The following FN3K variants were observed in gnomAD, a reference collection of about 807,000 sequenced individuals.
The protein encoded by FN3K is fructosamine 3 kinase, also known as fructosamine-3-kinase.
Under a neutral mutation model 24.8 loss-of-function variants are expected in FN3K, and 24 were observed. That is an observed-to-expected ratio of 0.97 (90% CI 0.70 to 1.36). The LOEUF is 1.36. Among genes scored for constraint, FN3K ranks in the 40% most tolerant of loss-of-function variants. FN3K has a pLI of 0.00. For missense variants in FN3K, 449 were observed against 416.7 expected (o/e 1.08, Z -0.67); for synonymous variants, 192 against 175.2 (o/e 1.10, Z -0.76).
intron 4 of FN3K, among the ~76,000 whole-genome samples, chr17:82,744,684 C>T (rs936563828): frequency 8.5e-5 from 13 of 152,146 alleles, no homozygotes; most frequent in Non-Finnish European, 1.9e-4. Context: ...CCGCCAGCCT[C>T]TGAGTTCCCT....
chr17:82,739,455 ATT>A (rs527397353), intron 2 of FN3K, among the ~76,000 whole-genome samples: 17,969 of 99,772 alleles, frequency 0.18, 1,251 homozygotes, highest in South Asian at 0.3. Flanking sequence ...TCACGCAGCT[ATT>A]TTTTTTTTTT....
Position 82,736,677 on chromosome 17 carries a change from G to A in FN3K, c.141+900G>A, listed in dbSNP as rs183411523. On this transcript the variant is annotated intron_variant, in intron 1 of 5. Coordinates refer to ENST00000300784, the MANE Select transcript of FN3K (RefSeq NM_022158.4). The stretch of plus-strand genomic sequence containing the variant: ...TCAGAAGGCCCTGCACACTCTGGTG[G>A]GGGAGCTCTCTGAGGGGCAGCAGGG... Among the ~76,000 whole-genome samples, 132 of 152,330 alleles carry A rather than the reference G, an allele frequency of 8.7e-4. 2 individuals carry two copies. The East Asian group carries it at 0.017, about 20-fold the overall frequency.
chr17:82,748,211 C>T (rs1157604734), intron 4 of FN3K, among the ~76,000 whole-genome samples: 4 of 150,962 alleles, frequency 2.6e-5, no homozygotes, highest in East Asian at 1.9e-4. Flanking sequence ...TGCAATGGCG[C>T]GATCTCGGCT....
At chr17:82,740,524 C>CA (rs1321107839) in intron 2 of FN3K, among the ~76,000 whole-genome samples, 1 of 150,510 alleles carries the variant, frequency 6.6e-6, no homozygotes, top group Non-Finnish European at 1.5e-5. Flanking sequence ...CCCTAGAAGT[C>CA]AAAGCTGCAG....
At chr17:82,738,466 A>G in intron 1 of FN3K, 23 bp from the exon 2 acceptor site, 1 of 1,611,704 alleles carries the variant, frequency 6.2e-7, no homozygotes, top group African/African-American at 1.3e-5. Context: ...AACAAGGCTG[A>G]CAAGGCTGTG....
At chr17:82,746,163 A>C (rs1286445817) in intron 4 of FN3K, among the ~76,000 whole-genome samples, 1 of 151,452 alleles carries the variant, frequency 6.6e-6, no homozygotes, top group African/African-American at 2.4e-5. Flanking sequence ...TCCCACCAGC[A>C]GCATATGGGA....
At chr17:82,747,232 C>T (rs1008071640) in intron 4 of FN3K, among the ~76,000 whole-genome samples, 8 of 152,192 alleles carry the variant, frequency 5.3e-5, no homozygotes, top group Non-Finnish European at 1.0e-4. Flanking sequence ...TACACATTTT[C>T]CCCAAGTACT....
rs537392692 is a variant in FN3K, at chr17:82,740,959, T to C, written c.385+105T>C. The C allele has an allele frequency of 2.6e-6, 2 of 775,646 alleles. 1 individual carries two copies. The highest frequency in any genetic ancestry group is 3.9e-5 in the Admixed American group (2 of 50,986). 48.0% of individuals were successfully genotyped at this position (775,646 alleles called of 1,614,324 possible). A position where few individuals can be genotyped will look rare whatever the true frequency, so the allele number is the denominator to read the frequency against. ...GGCATTTCAATAATAGGTTGAGTTG[T>C]ATACCGTCTGTCTTTACACTACATT... On this transcript the variant is annotated intron_variant, in intron 3 of 5. Transcript: ENST00000300784.
At chr17:82,742,103 T>TCAC (rs2046944407) in intron 4 of FN3K, among the ~76,000 whole-genome samples, 2 of 152,120 alleles carry the variant, frequency 1.3e-5, no homozygotes, top group South Asian at 2.1e-4. Context: ...AGACGGGGTT[T>TCAC]CATGTTGACC....
chr17:82,738,763 T>C, intron 2 of FN3K, 123 bp downstream of exon 2: 1 of 1,277,016 alleles, frequency 7.8e-7, no homozygotes. Flanking sequence ...GAGAAGCCTG[T>C]GGCTGAGCCG....
At chr17:82,741,249 T>C in intron 3 of FN3K, 62 bp from the exon 4 acceptor site, 1 of 1,466,732 alleles carries the variant, frequency 6.8e-7, no homozygotes, top group Non-Finnish European at 9.5e-7. Flanking sequence ...GATGCTCTGC[T>C]GAGGTCTGGC....
At position 82,748,887 on chromosome 17, in the gene FN3K, T is replaced by A; in HGVS notation, c.501T>A (p.Phe167Leu). The change falls in exon 5 of 6, where the codon TTT becomes TTA. Residue 167 changes from phenylalanine to leucine, a missense_variant. Phe to Leu is a conservative substitution (Grantham distance 22, BLOSUM62 0). Coordinates refer to ENST00000300784, the MANE Select transcript of FN3K (RefSeq NM_022158.4). ...AGTGGCAGGATGACTGGCCGACCTT[T>A]TTCGCCCGGCACCGGCTCCAGGCGC... The part of the protein sequence containing the change: ...VNEWQDDWPT[F>L]FARHRLQAQL... The A allele has an allele frequency of 6.2e-7, 1 of 1,613,628 alleles. No homozygotes were observed. Among genetic ancestry groups the A allele is most frequent in the Middle Eastern group, 1.8e-4 (1 of 5,658 alleles).
rs1815355906 is a variant in FN3K, at chr17:82,735,644, A to T, written c.8A>T (p.Gln3Leu). 5 of 1,537,818 alleles carry T rather than the reference A, an allele frequency of 3.3e-6. No individual in the cohort carries two copies. The South Asian group carries it at 6.0e-5, about 18-fold the overall frequency. The change falls in exon 1 of 6, where the codon CAG (glutamine) becomes CTG (leucine). Residue 3 changes from glutamine (Q) to leucine (L), a missense_variant. Coordinates refer to ENST00000300784, the MANE Select transcript of FN3K (RefSeq NM_022158.4). ME[Q>L]LLRAELRTAT... Reference sequence around the variant, plus strand: ...TCCCGCGCCCCGCACTCCATGGAGCAGCTGCTGCGCGCCGAGCTGCGCACC... The same window carrying T: ...TCCCGCGCCCCGCACTCCATGGAGCTGCTGCTGCGCGCCGAGCTGCGCACC...
At chr17:82,741,708 CA>C (rs1354583649) in intron 4 of FN3K, among the ~76,000 whole-genome samples, 2 of 152,198 alleles carry the variant, frequency 1.3e-5, no homozygotes, top group East Asian at 3.9e-4. Flanking sequence ...GGGTAGTGTG[CA>C]AAGTCAGGGA....
chr17:82,749,094 A>C, intron 5 of FN3K, 117 bp downstream of exon 5: 1 of 1,487,148 alleles, frequency 6.7e-7, no homozygotes, highest in Non-Finnish European at 9.2e-7. Context: ...CCTGGAGCAC[A>C]CATCAGGGAG....
intron 5 of FN3K, 113 bp from the exon 6 acceptor site, chr17:82,750,304 T>C (rs2046998925): frequency 2.1e-6 from 2 of 937,302 alleles, no homozygotes; most frequent in African/African-American, 1.6e-5. Context: ...CAGGCAGTGC[T>C]GGGGCTGGAC....
At chr17:82,740,910 T>C in intron 3 of FN3K, 56 bp downstream of exon 3, 1 of 1,157,204 alleles carries the variant, frequency 8.6e-7, no homozygotes, top group Non-Finnish European at 1.3e-6. Context: ...CTACCCTAGA[T>C]GGGTGCTCAT....
chr17:82,738,674 G>T, intron 2 of FN3K, 34 bp downstream of exon 2: 3 of 1,611,102 alleles, frequency 1.9e-6, no homozygotes, highest in Non-Finnish European at 1.7e-6. Flanking sequence ...GCGCACATGT[G>T]TACAGGCAGA....
intron 1 of FN3K, 71 bp from the exon 2 acceptor site, chr17:82,738,418 C>T (rs998567968): frequency 3.1e-6 from 5 of 1,599,852 alleles, no homozygotes; most frequent in Non-Finnish European, 4.3e-6. Context: ...GTGGTAGCTT[C>T]TGTCAAGGGC....
Sources: gnomAD v4.1 joint callset for allele counts (sites outside exome capture counted in the v4.1 genomes callset) on GRCh38, gnomAD v4.1.1 for gene constraint, MANE v1.5 for transcripts, NCBI Gene and HGNC (gene_info 2026-07-23, HGNC 2026-07-21) for gene names.